LPIN1: variants seen among roughly 807,000 people sequenced by gnomAD.
LPIN1 encodes the protein phosphatidate phosphatase LPIN1.
A neutral mutation model predicts 107.5 loss-of-function variants in LPIN1; 71 were observed. The ratio of observed to expected loss-of-function variants is 0.66; its 90% CI spans 0.55 to 0.80. LPIN1 has a LOEUF of 0.80. Among genes scored for constraint, LPIN1 ranks in the 30% least tolerant of loss-of-function variants. The pLI, the probability that LPIN1 is intolerant of heterozygous loss-of-function variation, is 0.00. For synonymous variants in LPIN1, 445 were observed against 452.6 expected (o/e 0.98, Z 0.21); for missense variants, 1,043 against 1,160.6 (o/e 0.90, Z 1.47).
intron 2 of LPIN1, among the ~76,000 whole-genome samples, chr2:11,718,955 T>C (rs1427238711): frequency 1.3e-5 from 2 of 152,202 alleles, no homozygotes; most frequent in Non-Finnish European, 1.5e-5. Context: ...CTCTTTTATC[T>C]TCTATTGCCC....
chr2:11,717,621 A>G (rs1286052280), intron 2 of LPIN1, among the ~76,000 whole-genome samples: 5 of 151,910 alleles, frequency 3.3e-5, no homozygotes, highest in Admixed American at 1.3e-4. Flanking sequence ...TTGGACGACC[A>G]TATTTTTCAT....
exon 1 of LPIN1, chr2:11,677,650 G>A: frequency 6.5e-7 from 1 of 1,535,276 alleles, no homozygotes; most frequent in Non-Finnish European, 8.7e-7. Context: ...GGCGGGCCAT[G>A]GGGGAACAGG....
At chr2:11,812,258 T>A (rs1174705316) in intron 17 of LPIN1, among the ~76,000 whole-genome samples, 1 of 152,220 alleles carries the variant, frequency 6.6e-6, no homozygotes, top group Admixed American at 6.5e-5. Flanking sequence ...GCACTGTTTT[T>A]GGCACGGGGG....
chr2:11,825,992 GA>G lies in LPIN1; in HGVS notation c.*1206del, dbSNP rs1220403438. 3 of 152,280 alleles carry G rather than the reference GA, an allele frequency of 2.0e-5. No individual in the cohort carries two copies. The highest frequency in any genetic ancestry group is 7.2e-5 in the African/African-American group (3 of 41,424). 9.4% of individuals were successfully genotyped at this position (152,280 alleles called of 1,614,324 possible). On this transcript the variant is annotated 3_prime_UTR_variant, in exon 21 of 21. Coordinates refer to ENST00000674199, the MANE Select transcript of LPIN1 (RefSeq NM_001349206.2). The surrounding 1 kb of genome is among the most constrained non-coding windows in gnomAD (Gnocchi z 4.1). ...TTTTCCACTCAAATTAAGGGCAAGC[GA>G]AAAAGTAATAATTTGGCATTCTTTA...
intron 8 of LPIN1, 60 bp downstream of exon 8, chr2:11,782,567 A>G (rs1290973833): frequency 3.1e-6 from 5 of 1,592,478 alleles, no homozygotes; most frequent in Non-Finnish European, 4.3e-6. Context: ...CACTCTACAC[A>G]TGACAGGTCC....
At chr2:11,796,489 GAGA>G (rs1188960806) in intron 14 of LPIN1, among the ~76,000 whole-genome samples, 1 of 152,184 alleles carries the variant, frequency 6.6e-6, no homozygotes, top group Non-Finnish European at 1.5e-5. Context: ...GTTCTCTGTG[GAGA>G]AGAACAGGGT....
intron 1 of LPIN1, among the ~76,000 whole-genome samples, chr2:11,752,632 C>T (rs1213744762): frequency 2.0e-5 from 3 of 150,572 alleles, no homozygotes; most frequent in East Asian, 3.9e-4. Context: ...GGGGTTTCAC[C>T]GTTTTAGCCG....
chr2:11,696,596 G>A (rs1475260150), intron 1 of LPIN1, among the ~76,000 whole-genome samples: 1 of 152,178 alleles, frequency 6.6e-6, no homozygotes, highest in Non-Finnish European at 1.5e-5. Context: ...GGGATGGCTG[G>A]CGAGCAAGGT....
In LPIN1 at chr2:11,824,848, G is replaced by C. The variant is rs1037396147; in HGVS notation, c.*57G>C. ...AGAGCCTGGTTGTCACCCATTAAAG[G>C]ATAGGTCTCCCCGGAGTGCACAGCT... On this transcript the variant is annotated 3_prime_UTR_variant, in exon 21 of 21. Coordinates refer to ENST00000674199, the MANE Select transcript of LPIN1 (RefSeq NM_001349206.2). The C allele has an allele frequency of 3.7e-6, 6 of 1,601,934 alleles. No homozygotes were observed. The highest frequency in any genetic ancestry group is 5.1e-6 in the Non-Finnish European group (6 of 1,170,422).
intron 14 of LPIN1, among the ~76,000 whole-genome samples, chr2:11,799,227 T>C (rs936460604): frequency 1.9e-4 from 29 of 152,110 alleles, no homozygotes; most frequent in Non-Finnish European, 3.5e-4. Context: ...CCTTCAAACA[T>C]GGCATGCTGC....
At chr2:11,788,970 G>A (rs1368948988) in intron 12 of LPIN1, among the ~76,000 whole-genome samples, 3 of 152,198 alleles carry the variant, frequency 2.0e-5, no homozygotes, top group Non-Finnish European at 2.9e-5. Flanking sequence ...GTAAGTGGCC[G>A]TAGGGAGGAG....
intron 12 of LPIN1, 119 bp downstream of exon 12, chr2:11,788,575 T>G: frequency 1.2e-6 from 1 of 805,494 alleles, no homozygotes; most frequent in Non-Finnish European, 2.1e-6. Context: ...TGTGCTCTTT[T>G]GAAGTTCATG....
intron 1 of LPIN1, chr2:11,681,509 C>A: frequency 6.3e-6 from 1 of 157,606 alleles, no homozygotes; most frequent in South Asian, 1.7e-4. Context: ...TTCCCGAGGT[C>A]TCCCCAGCTA....
chr2:11,712,877 A>G (rs1003904839), intron 1 of LPIN1, among the ~76,000 whole-genome samples: 71 of 152,354 alleles, frequency 4.7e-4, no homozygotes, highest in African/African-American at 1.6e-3. Flanking sequence ...GGACTACTGC[A>G]TATGTCCTAC....
chr2:11,723,322 A>G (rs1203416490), upstream of LPIN1, among the ~76,000 whole-genome samples: 2 of 152,194 alleles, frequency 1.3e-5, no homozygotes, highest in Non-Finnish European at 2.9e-5. Flanking sequence ...AGTCTTGCTA[A>G]TGAGAAGAAA....
intron 17 of LPIN1, among the ~76,000 whole-genome samples, chr2:11,813,206 C>A (rs1021688290): frequency 6.6e-6 from 1 of 152,052 alleles, no homozygotes; most frequent in Non-Finnish European, 1.5e-5. Context: ...TAGTAGCCTG[C>A]AGCTTGGGAG....
chr2:11,761,911 C>T (rs569865701), intron 1 of LPIN1, among the ~76,000 whole-genome samples: 18 of 152,126 alleles, frequency 1.2e-4, no homozygotes, highest in African/African-American at 4.1e-4. Flanking sequence ...AAGCAGTTCT[C>T]CAGCTCTCGG....
At chr2:11,819,682 C>T (rs895768596) in intron 19 of LPIN1, 84 bp downstream of exon 19, 1 of 998,628 alleles carries the variant, frequency 1.0e-6, no homozygotes, top group African/African-American at 1.6e-5. Flanking sequence ...ATCCGAGAAC[C>T]ATATGTAGAG....
intron 1 of LPIN1, among the ~76,000 whole-genome samples, chr2:11,693,814 ATATATATATTTTTTTTTTT>A (rs1216550359): frequency 6.1e-5 from 2 of 32,928 alleles, no homozygotes; most frequent in South Asian, 2.4e-3. Context: ...ATATATATAT[ATATATATATTTTTTTTTTT>A]TTTTTTTTTT....
Sources: allele counts gnomAD v4.1 joint callset (sites outside exome capture counted in the v4.1 genomes callset), GRCh38; gene constraint gnomAD v4.1.1; non-coding constraint Gnocchi (gnomAD v3.1); transcripts MANE v1.5; gene names NCBI Gene and HGNC (gene_info 2026-07-23, HGNC 2026-07-21).